The following PI4KA variants were observed in gnomAD, a reference collection of about 807,000 sequenced individuals.
PI4KA encodes the protein PI4-kinase alpha.
A neutral mutation model predicts 271.4 loss-of-function variants in PI4KA; 122 were observed. That is an observed-to-expected ratio of 0.45 (90% CI 0.39 to 0.52). PI4KA has a LOEUF of 0.52. PI4KA is among the 20% of genes least tolerant of loss of function. The pLI, the probability that PI4KA is intolerant of heterozygous loss-of-function variation, is 0.00. For missense variants in PI4KA, 1,969 were observed against 2,769.1 expected, an observed-to-expected ratio of 0.71 and a Z score of 6.48; for synonymous variants, 1,041 against 1,078.8, an observed-to-expected ratio of 0.96 and a Z score of 0.69.
At chr22:20,786,174 ACCCGTCCCCAGGGTCTGCCTCAG>A (rs1232041745) in intron 19 of PI4KA, 1 of 1,612,952 alleles carries the variant, frequency 6.2e-7, no homozygotes, top group South Asian at 1.1e-5. Context: ...TCCACCCCCG[ACCCGTCCCCAGGGTCTGCCTCAG>A]CACAGCCCCA....
intron 19 of PI4KA, among the ~76,000 whole-genome samples, chr22:20,782,956 C>A (rs940852563): frequency 6.7e-6 from 1 of 149,880 alleles, no homozygotes; most frequent in African/African-American, 2.5e-5. Flanking sequence ...GCTGCTCTAC[C>A]CACCAGCTAG....
intron 2 of PI4KA, among the ~76,000 whole-genome samples, chr22:20,838,382 C>CT (rs34960254): frequency 1.6e-4 from 25 of 152,142 alleles, no homozygotes; most frequent in African/African-American, 4.8e-4. Context: ...CAAAAATACA[C>CT]TTTTTTTACA....
At chr22:20,802,238 A>T in intron 13 of PI4KA, 133 bp from the exon 14 acceptor site, 2 of 677,308 alleles carry the variant, frequency 3.0e-6, no homozygotes, top group Non-Finnish European at 4.9e-6. Context: ...ACATCTGACC[A>T]AATATTTCAG....
At chr22:20,763,016 TTGGGG>T (rs1932136934) in intron 22 of PI4KA, among the ~76,000 whole-genome samples, 3 of 14,182 alleles carry the variant, frequency 2.1e-4, no homozygotes, top group Non-Finnish European at 2.5e-4. Flanking sequence ...GCTTTTTTTT[TTGGGG>T]GGGGGGGGGG....
At chr22:20,759,352 T>C (rs1277295599) in intron 23 of PI4KA, among the ~76,000 whole-genome samples, 2 of 152,046 alleles carry the variant, frequency 1.3e-5, no homozygotes, top group African/African-American at 2.4e-5. Context: ...CCTGGGGTGA[T>C]TTTTAAAAAA....
In PI4KA at chr22:20,729,864, T is replaced by G. The variant is rs981908064; in HGVS notation, c.4408+28A>C. ...AACTAGAATGATAGCTTGCATGTGA[T>G]GGCCCCAGCAGCACACCTCCCACCG... On this transcript the variant is annotated intron_variant, in intron 37 of 54. Transcript: ENST00000255882. 3 of 1,613,582 alleles carry G rather than the reference T, an allele frequency of 1.9e-6. No homozygotes were observed. In the South Asian group the frequency reaches 3.3e-5, roughly 18 times the overall value.
rs1931711291 is a variant in PI4KA, at chr22:20,759,399, TTTC to T, written c.2791+1902_2791+1904del. 9.1e-5 allele frequency among the ~76,000 whole-genome samples: 13 copies of T among 143,544 alleles called. 1 individual carries two copies. The South Asian group carries it at 2.0e-3, about 22-fold the overall frequency. 94.2% of individuals were successfully genotyped at this position (143,544 alleles called of 152,430 possible). A position where few individuals can be genotyped will look rare whatever the true frequency, so the allele number is the denominator to read the frequency against. On this transcript the variant is annotated intron_variant, in intron 23 of 54. Transcript: ENST00000255882. ...GCGTTGATTTTTCTTTTTCTTTTCT[TTTC>T]TTTTTTTTTTTTTTTTTTTTTGAGA... is the stretch of plus-strand genomic sequence containing the variant.
At chr22:20,729,263 G>A (rs371886959) in intron 39 of PI4KA, 50 bp downstream of exon 39, 20 of 1,541,734 alleles carry the variant, frequency 1.3e-5, no homozygotes, top group African/African-American at 4.1e-5. Context: ...AGCACCCTGC[G>A]CTGGACCTCT....
At chr22:20,806,316 T>C (rs111748048) in intron 10 of PI4KA, among the ~76,000 whole-genome samples, 259 of 152,256 alleles carry the variant, frequency 1.7e-3, no homozygotes, top group African/African-American at 5.9e-3. Flanking sequence ...AAAAACAAAA[T>C]TCATGAAAGA....
intron 17 of PI4KA, 67 bp downstream of exon 17, chr22:20,798,517 A>G: frequency 1.0e-6 from 1 of 983,256 alleles, no homozygotes; most frequent in Non-Finnish European, 1.7e-6. Context: ...ACAAATTCAC[A>G]AACCTCACAT....
chr22:20,799,774 G>A lies in PI4KA; in HGVS notation c.1725-8C>T, dbSNP rs1397540160. On this transcript the variant is annotated splice_region_variant and splice_polypyrimidine_tract_variant and intron_variant, in intron 14 of 54. Coordinates refer to ENST00000255882, the MANE Select transcript of PI4KA (RefSeq NM_058004.4). Reference sequence around the variant, plus strand: ...AATCCAGCCTTCAGGCACCTGAGGAGCAAGAAAACCCATGTGGCACTGAGG... The same window carrying A: ...AATCCAGCCTTCAGGCACCTGAGGAACAAGAAAACCCATGTGGCACTGAGG... 1 of 1,540,194 alleles carries A rather than the reference G, an allele frequency of 6.5e-7. No individual in the cohort carries two copies.
At chr22:20,726,617 T>TG in intron 41 of PI4KA, 76 bp from the exon 42 acceptor site, 5 of 1,329,060 alleles carry the variant, frequency 3.8e-6, no homozygotes, top group African/African-American at 1.5e-5. Context: ...GCCCTGCCTC[T>TG]GCTTCTGCTC....
At chr22:20,857,775 G>C (rs936604464) in intron 1 of PI4KA, among the ~76,000 whole-genome samples, 1 of 152,168 alleles carries the variant, frequency 6.6e-6, no homozygotes, top group African/African-American at 2.4e-5. Flanking sequence ...GTAAGTAAGT[G>C]CCAGTGCAGG....
chr22:20,784,292 G>C (rs1266755670), intron 19 of PI4KA: 1 of 1,610,942 alleles, frequency 6.2e-7, no homozygotes, highest in African/African-American at 1.3e-5. Flanking sequence ...AGATGCTGGG[G>C]GTGTCTGGGA....
At chr22:20,710,039 A>T (rs1420622690) in intron 52 of PI4KA, 42 bp from the exon 53 acceptor site, 3 of 1,260,186 alleles carry the variant, frequency 2.4e-6, no homozygotes, top group Non-Finnish European at 3.5e-6. Context: ...AGGCCAGCCT[A>T]GGTGGTGGCC....
intron 19 of PI4KA, among the ~76,000 whole-genome samples, chr22:20,789,684 C>CATT (rs770829791): frequency 8.5e-5 from 13 of 152,170 alleles, no homozygotes; most frequent in South Asian, 2.1e-4. Context: ...AAGGTTGTCA[C>CATT]ATTATTCTCA....
chr22:20,728,011 G>A (rs549520739), intron 39 of PI4KA, 147 bp from the exon 40 acceptor site: 25 of 570,274 alleles, frequency 4.4e-5, no homozygotes, highest in African/African-American at 4.3e-4. Flanking sequence ...CAAACAAATA[G>A]AAAGAATGAA....
chr22:20,751,864 T>C, intron 25 of PI4KA, 109 bp from the exon 26 acceptor site: 3 of 913,978 alleles, frequency 3.3e-6, no homozygotes, highest in Non-Finnish European at 5.2e-6. Context: ...TCAGGCCAGC[T>C]GAAGGAGGAG....
At chr22:20,726,364 G>T in intron 42 of PI4KA, 124 bp downstream of exon 42, 1 of 737,742 alleles carries the variant, frequency 1.4e-6, no homozygotes, top group Middle Eastern at 3.2e-4. Flanking sequence ...CAAGGGGACT[G>T]CTGGGCAGCC....
Sources: gnomAD v4.1 joint callset for allele counts (sites outside exome capture counted in the v4.1 genomes callset) on GRCh38, gnomAD v4.1.1 for gene constraint, MANE v1.5 for transcripts, NCBI Gene and HGNC (gene_info 2026-07-23, HGNC 2026-07-21) for gene names.